Variants in DRGX observed in about 807,000 individuals in gnomAD.
DRGX encodes dorsal root ganglia homeobox, also known as dorsal root ganglia homeobox protein.
A neutral mutation model predicts 28.6 loss-of-function variants in DRGX; 21 were observed. The observed-to-expected ratio is 0.73, with a 90% CI of 0.52 to 1.06. The LOEUF is 1.06. DRGX is among the 50% of genes least tolerant of loss of function. DRGX has a pLI of 0.00. For synonymous variants in DRGX, 136 were observed against 139.1 expected, an observed-to-expected ratio of 0.98 and a Z score of 0.16; for missense variants, 354 against 343.9, an observed-to-expected ratio of 1.03 and a Z score of -0.23.
chr10:49,392,708 C>T (rs537265261), intron 2 of DRGX, among the ~76,000 whole-genome samples: 2 of 152,074 alleles, frequency 1.3e-5, no homozygotes, highest in East Asian at 3.9e-4. Flanking sequence ...CGAACTGAAT[C>T]CTAAAAAAGG....
At position 49,365,747 on chromosome 10, in the gene DRGX, TGACAA is replaced by T. The variant is rs1849590932; in HGVS notation, c.*364_*368del. On this transcript the variant is annotated 3_prime_UTR_variant, in exon 7 of 7. Transcript: ENST00000374139. ...CAGCCCATGCCACAGTTCCTGGGGT[TGACAA>T]GACCTTCAAAGGCAGCCCAGGGAGG... The T allele has an allele frequency of 5.3e-6, 1 of 189,230 alleles. No homozygotes were observed. The highest frequency in any genetic ancestry group is 1.1e-5 in the Non-Finnish European group (1 of 93,388). The allele number at this position is 189,230 out of a possible 1,614,324, so 11.7% of individuals were successfully genotyped here. A position where few individuals can be genotyped will look rare whatever the true frequency, so the allele number is the denominator to read the frequency against.
In DRGX at chr10:49,393,170, C is replaced by T. The variant is rs144410893; in HGVS notation, c.35-1909G>A. Among the ~76,000 whole-genome samples, 358 of 152,158 alleles carry T rather than the reference C, an allele frequency of 2.4e-3. 2 individuals are homozygous for T. The highest frequency in any genetic ancestry group is 7.8e-3 in the African/African-American group (323 of 41,526). ...AATGCCCATCAGCAGATGCTTTCTT[C>T]ACAACATACAATGGAATACTACACA... On this transcript the variant is annotated intron_variant, in intron 2 of 6. Transcript: ENST00000374139.
intron 6 of DRGX, among the ~76,000 whole-genome samples, chr10:49,368,127 G>A (rs76407741): frequency 0.038 from 5,766 of 152,200 alleles, 302 homozygotes; most frequent in African/African-American, 0.12. Flanking sequence ...TTTACCACCC[G>A]CTGCTCCTCT....
intron 6 of DRGX, among the ~76,000 whole-genome samples, chr10:49,384,906 G>A (rs1470086604): frequency 6.6e-6 from 1 of 152,210 alleles, no homozygotes; most frequent in Non-Finnish European, 1.5e-5. Context: ...CCAGAGTAGG[G>A]CGAGCGACCC....
chr10:49,380,299 G>A (rs1187182600), intron 6 of DRGX, among the ~76,000 whole-genome samples: 1 of 152,224 alleles, frequency 6.6e-6, no homozygotes, highest in East Asian at 1.9e-4. Context: ...GCACCGAGGA[G>A]AGCACCTCCT....
At chr10:49,381,251 AG>A (rs1201845068) in intron 6 of DRGX, among the ~76,000 whole-genome samples, 3 of 152,150 alleles carry the variant, frequency 2.0e-5, no homozygotes, top group Non-Finnish European at 4.4e-5. Context: ...GGGCAGCCCG[AG>A]GGCCATCCAG....
At chr10:49,395,649 G>C in intron 1 of DRGX, 128 bp from the exon 2 acceptor site, 1 of 632,950 alleles carries the variant, frequency 1.6e-6, no homozygotes, top group South Asian at 1.9e-5. Flanking sequence ...GCGGGGGACA[G>C]GAGGGAAGGC....
At chr10:49,388,845 G>A (rs1054510254) in intron 4 of DRGX, among the ~76,000 whole-genome samples, 1 of 152,038 alleles carries the variant, frequency 6.6e-6, no homozygotes, top group East Asian at 1.9e-4. Flanking sequence ...CAAAGCCCAC[G>A]TCCCCACATG....
At chr10:49,388,448 T>G (rs1232232863) in intron 4 of DRGX, among the ~76,000 whole-genome samples, 2 of 152,240 alleles carry the variant, frequency 1.3e-5, no homozygotes, top group African/African-American at 4.8e-5. Context: ...ACTTTCATTC[T>G]CCTTTAACTG....
At chr10:49,367,955 CCGGAGCTACA>C (rs1212587344) in intron 6 of DRGX, among the ~76,000 whole-genome samples, 1 of 152,208 alleles carries the variant, frequency 6.6e-6, no homozygotes, top group Non-Finnish European at 1.5e-5. Flanking sequence ...TCAGGGGCAG[CCGGAGCTACA>C]CCAGCTTTTC....
intron 6 of DRGX, among the ~76,000 whole-genome samples, chr10:49,381,646 G>A (rs1037200549): frequency 1.3e-4 from 20 of 152,212 alleles, no homozygotes; most frequent in African/African-American, 1.2e-4. Flanking sequence ...TGCTCTCGGC[G>A]GTGCCCCAGT....
intron 4 of DRGX, among the ~76,000 whole-genome samples, chr10:49,388,678 G>A (rs964367685): frequency 3.3e-5 from 5 of 152,134 alleles, no homozygotes; most frequent in East Asian, 1.9e-4. Context: ...CTGACAGTTC[G>A]CCTGCTTCTG....
At chr10:49,369,760 A>T (rs1849634775) in intron 6 of DRGX, among the ~76,000 whole-genome samples, 1 of 151,254 alleles carries the variant, frequency 6.6e-6, no homozygotes, top group East Asian at 1.9e-4. Flanking sequence ...TACCATAATC[A>T]AAAAGAAAAT....
chr10:49,387,445 G>A (rs1849852250), intron 4 of DRGX, among the ~76,000 whole-genome samples: 1 of 152,150 alleles, frequency 6.6e-6, no homozygotes. Context: ...GATCACTTGA[G>A]GTTGGGAGTT....
At chr10:49,372,109 G>A (rs546449581) in intron 6 of DRGX, among the ~76,000 whole-genome samples, 43 of 152,306 alleles carry the variant, frequency 2.8e-4, no homozygotes, top group Admixed American at 3.9e-4. Flanking sequence ...TCACAGTGGC[G>A]ACTGTGGGTC....
chr10:49,387,335 G>A (rs920033194), intron 4 of DRGX, among the ~76,000 whole-genome samples: 6 of 152,028 alleles, frequency 3.9e-5, no homozygotes, highest in African/African-American at 1.2e-4. Context: ...TGACATATTC[G>A]TGATCAGCAG....
chr10:49,381,966 C>T (rs1743551866), intron 6 of DRGX, among the ~76,000 whole-genome samples: 1 of 152,136 alleles, frequency 6.6e-6, no homozygotes, highest in African/African-American at 2.4e-5. Flanking sequence ...TTGCAAGCTG[C>T]CACGGGCTTG....
intron 6 of DRGX, among the ~76,000 whole-genome samples, chr10:49,375,172 A>G (rs1047117471): frequency 6.6e-6 from 1 of 152,164 alleles, no homozygotes; most frequent in Non-Finnish European, 1.5e-5. Flanking sequence ...CTCCTGAAGT[A>G]CTTTCTCCTC....
In DRGX at chr10:49,386,150, C is replaced by T. The variant is rs76782305; in HGVS notation, c.526+328G>A. ...ATGATTGTCCCACACAGGCCCCACC[C>T]GTGAGCTGCAGGTTGGCACCTAACA... is the stretch of plus-strand genomic sequence containing the variant. On this transcript the variant is annotated intron_variant, in intron 6 of 6. Transcript: ENST00000374139. Among the ~76,000 whole-genome samples, 1,034 of 152,238 alleles carry T rather than the reference C, an allele frequency of 6.8e-3. 12 individuals are homozygous for T. Among genetic ancestry groups the T allele is most frequent in the African/African-American group, 0.024 (993 of 41,532 alleles).
Sources: gnomAD v4.1 joint callset for allele counts (sites outside exome capture counted in the v4.1 genomes callset) on GRCh38, gnomAD v4.1.1 for gene constraint, MANE v1.5 for transcripts, NCBI Gene and HGNC (gene_info 2026-07-23, HGNC 2026-07-21) for gene names.